The following MLIP variants were observed in gnomAD, a reference collection of about 807,000 sequenced individuals.
MLIP encodes muscular LMNA interacting protein.
In MLIP, 79 loss-of-function variants were observed where a neutral mutation model predicts 84.8. The ratio of observed to expected loss-of-function variants is 0.93; its 90% CI spans 0.78 to 1.12. The LOEUF (loss-of-function observed/expected upper bound fraction) is 1.12. MLIP is among the 50% of genes most tolerant of loss of function. The probability of loss-of-function intolerance (pLI) is 0.00; values close to 1 mark genes in which losing one functional copy is unlikely to be tolerated. For missense variants in MLIP, 1,257 were observed against 1,160.6 expected (o/e 1.08, Z -1.21); for synonymous variants, 504 against 463.0 (o/e 1.09, Z -1.14).
At chr6:54,169,946 A>T (rs1423663041) in intron 9 of MLIP, among the ~76,000 whole-genome samples, 1 of 151,770 alleles carries the variant, frequency 6.6e-6, no homozygotes, top group Non-Finnish European at 1.5e-5. Context: ...TTCTAATGGG[A>T]TTGCCAGTTT....
chr6:54,247,858 C>T (rs1376641332), intron 12 of MLIP, among the ~76,000 whole-genome samples: 2 of 152,002 alleles, frequency 1.3e-5, no homozygotes, highest in South Asian at 4.1e-4. Flanking sequence ...GGATCTGGTA[C>T]GGGGTCTAAG....
intron 1 of MLIP, among the ~76,000 whole-genome samples, chr6:54,033,866 A>G (rs1040221152): frequency 2.0e-5 from 3 of 152,204 alleles, no homozygotes; most frequent in Non-Finnish European, 1.5e-5. Flanking sequence ...GCATCATGGA[A>G]TGGAATAAAA....
Position 54,141,490 on chromosome 6 carries a change from A to G in MLIP, c.2217+3204A>G, listed in dbSNP as rs545086853. On this transcript the variant is annotated intron_variant, in intron 4 of 13. Transcript: ENST00000502396. Reference sequence around the variant, plus strand: ...TCCGGCTAATTTTTGTATTTTTAGTAGAGACGGGGTTTCACCATGTTGGCC... The same window carrying G: ...TCCGGCTAATTTTTGTATTTTTAGTGGAGACGGGGTTTCACCATGTTGGCC... Among the ~76,000 whole-genome samples the G allele has an allele frequency of 7.2e-5, 11 of 152,098 alleles. No homozygotes were observed. The South Asian group carries it at 2.3e-3, about 32-fold the overall frequency.
chr6:54,204,458 A>G (rs962724426), intron 11 of MLIP, among the ~76,000 whole-genome samples: 3 of 152,204 alleles, frequency 2.0e-5, no homozygotes, highest in Non-Finnish European at 4.4e-5. Context: ...TTATATGAAA[A>G]TCAAACCACT....
intron 11 of MLIP, among the ~76,000 whole-genome samples, chr6:54,212,292 G>A (rs187941636): frequency 2.6e-4 from 40 of 152,210 alleles, no homozygotes; most frequent in African/African-American, 7.9e-4. Flanking sequence ...GTCTTCACCC[G>A]CACAATGAGA....
chr6:54,039,032 A>G (rs1215790062), intron 1 of MLIP, among the ~76,000 whole-genome samples: 1 of 151,864 alleles, frequency 6.6e-6, no homozygotes, highest in African/African-American at 2.4e-5. Flanking sequence ...GAGACACATA[A>G]TCTCCACAGA....
At chr6:54,249,786 T>C (rs77106990) in intron 12 of MLIP, among the ~76,000 whole-genome samples, 4,106 of 151,964 alleles carry the variant, frequency 0.027, 172 homozygotes, top group African/African-American at 0.091. Flanking sequence ...CACGTGTGTG[T>C]ATATATATGT....
chr6:54,219,686 A>G (rs1462274547), intron 11 of MLIP, among the ~76,000 whole-genome samples: 1 of 152,206 alleles, frequency 6.6e-6, no homozygotes, highest in Non-Finnish European at 1.5e-5. Flanking sequence ...AAATAACAAC[A>G]AAGATTCTAA....
At chr6:54,065,642 TAGAC>T (rs200477991) in intron 1 of MLIP, among the ~76,000 whole-genome samples, 2,935 of 100,112 alleles carry the variant, frequency 0.029, 458 homozygotes, top group African/African-American at 0.07. Flanking sequence ...AGGTCAATCT[TAGAC>T]AGCATCTGAA....
intron 1 of MLIP, among the ~76,000 whole-genome samples, chr6:54,087,235 T>G (rs1360107587): frequency 6.6e-6 from 1 of 152,192 alleles, no homozygotes; most frequent in African/African-American, 2.4e-5. Flanking sequence ...CCTATAGCTG[T>G]GCCTCTTCTG....
intron 11 of MLIP, among the ~76,000 whole-genome samples, chr6:54,214,704 T>G (rs1025879529): frequency 6.6e-6 from 1 of 152,232 alleles, no homozygotes; most frequent in African/African-American, 2.4e-5. Context: ...TTTTCCTTTT[T>G]GCAATTCTGC....
chr6:54,130,687 C>T (rs1187183420), intron 3 of MLIP, among the ~76,000 whole-genome samples: 4 of 152,008 alleles, frequency 2.6e-5, no homozygotes, highest in Admixed American at 1.3e-4. Flanking sequence ...GTTGCATGTT[C>T]AGAAAAGTGG....
At chr6:54,203,103 T>C (rs758481002) in intron 11 of MLIP, among the ~76,000 whole-genome samples, 1 of 152,236 alleles carries the variant, frequency 6.6e-6, no homozygotes, top group Admixed American at 6.5e-5. Flanking sequence ...AAGTCTATAC[T>C]AGATTCTCCT....
chr6:54,213,224 A>C (rs1779586158), intron 11 of MLIP, among the ~76,000 whole-genome samples: 2 of 152,228 alleles, frequency 1.3e-5, no homozygotes. Flanking sequence ...AGAACATCAA[A>C]CTTTTCACTT....
chr6:54,084,103 AC>A (rs1767334608), intron 1 of MLIP, among the ~76,000 whole-genome samples: 1 of 152,136 alleles, frequency 6.6e-6, no homozygotes, highest in South Asian at 2.1e-4. Context: ...ATGCTTTGTG[AC>A]TATGAATTAC....
chr6:54,246,525 T>C (rs1416360288), intron 12 of MLIP, among the ~76,000 whole-genome samples: 1 of 152,150 alleles, frequency 6.6e-6, no homozygotes, highest in African/African-American at 2.4e-5. Flanking sequence ...TTTATTTGTG[T>C]GTATGTCTCT....
intron 1 of MLIP, among the ~76,000 whole-genome samples, chr6:54,087,867 A>C (rs1488532038): frequency 6.6e-6 from 1 of 151,578 alleles, no homozygotes; most frequent in Non-Finnish European, 1.5e-5. Context: ...TCTTTGCCAG[A>C]AGATCCATCT....
Position 54,149,054 on chromosome 6 carries a change from A to C in MLIP, c.2218-2A>C, listed in dbSNP as rs1419277194. The C allele has an allele frequency of 6.2e-7, 1 of 1,612,326 alleles. No individual in the cohort carries two copies. Among genetic ancestry groups the C allele is most frequent in the Admixed American group, 1.7e-5 (1 of 59,896 alleles). ...CTCTTGCTTTCTGGTTGCCCATTCT[A>C]GCAATACAAGACCAAGTCAAGCTAC... On this transcript the variant is annotated splice_acceptor_variant, in intron 4 of 13. Coordinates refer to ENST00000502396, the MANE Select transcript of MLIP (RefSeq NM_001281747.2). LOFTEE classifies it high-confidence loss of function.
In MLIP at chr6:54,124,260, C is replaced by A. The variant is rs114292671; in HGVS notation, c.253-213C>A. ...TTTGCCTGTTGATGTTGATTACTAT[C>A]CCAAAATTGTTTGGGCTTAGACCAG... On this transcript the variant is annotated intron_variant, in intron 2 of 13. Transcript: ENST00000502396. Among the ~76,000 whole-genome samples, 222 of 152,226 alleles carry A rather than the reference C, an allele frequency of 1.5e-3. 2 individuals are homozygous for A. The highest frequency in any genetic ancestry group is 5.1e-3 in the African/African-American group (211 of 41,542).
Sources: allele counts gnomAD v4.1 joint callset (sites outside exome capture counted in the v4.1 genomes callset), GRCh38; gene constraint gnomAD v4.1.1; transcripts MANE v1.5; gene names NCBI Gene and HGNC (gene_info 2026-07-23, HGNC 2026-07-21).